NME7: variants seen among roughly 807,000 people sequenced by gnomAD.
The protein encoded by NME7 is nucleoside diphosphate kinase 7.
In NME7, 41 loss-of-function variants were observed where a neutral mutation model predicts 49.1. The observed-to-expected ratio is 0.83, with a 90% confidence interval of 0.65 to 1.08. The LOEUF is 1.08. Among genes scored for constraint, NME7 ranks in the 50% least tolerant of loss-of-function variants. The pLI is 0.00. For missense variants in NME7, 423 were observed against 463.4 expected (o/e 0.91, Z 0.80); for synonymous variants, 139 against 150.6 (o/e 0.92, Z 0.56).
intron 10 of NME7, among the ~76,000 whole-genome samples, chr1:169,205,848 T>C (rs185695659): frequency 5.9e-5 from 9 of 152,280 alleles, no homozygotes; most frequent in Non-Finnish European, 5.9e-5. Flanking sequence ...TGTGATCTTC[T>C]TTCCCATCCT....
chr1:169,201,693 C>A (rs1352186998), intron 10 of NME7, among the ~76,000 whole-genome samples: 2 of 152,030 alleles, frequency 1.3e-5, no homozygotes, highest in Non-Finnish European at 2.9e-5. Flanking sequence ...AAAAGAAGCA[C>A]AGAAGCAAGT....
chr1:169,308,129 A>T (rs1651250229), intron 4 of NME7, among the ~76,000 whole-genome samples: 1 of 152,148 alleles, frequency 6.6e-6, no homozygotes, highest in African/African-American at 2.4e-5. Context: ...TGGTCTAAAT[A>T]CTGTGCTCTG....
At chr1:169,363,385 T>C (rs1257703048) in intron 1 of NME7, among the ~76,000 whole-genome samples, 1 of 152,208 alleles carries the variant, frequency 6.6e-6, no homozygotes, top group East Asian at 1.9e-4. Flanking sequence ...ATCCAATACA[T>C]ATACAATTAA....
In NME7 at chr1:169,257,311, G is replaced by C. The variant is rs1180543195; in HGVS notation, c.755-19624C>G. On this transcript the variant is annotated intron_variant, in intron 7 of 11. Transcript: ENST00000367811. Reference sequence around the variant, plus strand: ...GTCAGAAAAGCGCAGTATTTGGTTGGGAGTGACCCGATTTTCCAGGTGCTG... The same window carrying C: ...GTCAGAAAAGCGCAGTATTTGGTTGCGAGTGACCCGATTTTCCAGGTGCTG... 6.7e-5 allele frequency among the ~76,000 whole-genome samples: 9 copies of C among 134,392 alleles called. 2 individuals carry two copies. The highest frequency in any genetic ancestry group is 1.4e-4 in the Non-Finnish European group (8 of 57,076). 88.2% of individuals were successfully genotyped at this position (134,392 alleles called of 152,430 possible). A position where few individuals can be genotyped will look rare whatever the true frequency, so the allele number is the denominator to read the frequency against.
At chr1:169,241,613 A>T (rs530691192) in intron 7 of NME7, among the ~76,000 whole-genome samples, 2 of 152,010 alleles carry the variant, frequency 1.3e-5, no homozygotes, top group South Asian at 2.1e-4. Context: ...ATATAGGAAG[A>T]TGCTCACCAT....
chr1:169,323,816 T>C (rs1236354515), intron 2 of NME7, among the ~76,000 whole-genome samples: 1 of 149,646 alleles, frequency 6.7e-6, no homozygotes, highest in African/African-American at 2.4e-5. Context: ...ATCCAAAACA[T>C]GAATAATCCC....
intron 1 of NME7, among the ~76,000 whole-genome samples, chr1:169,342,607 G>GTATA (rs778561650): frequency 1.5e-4 from 5 of 32,780 alleles, no homozygotes; most frequent in Non-Finnish European, 2.0e-4. Flanking sequence ...CATATATATA[G>GTATA]TATATATATA....
chr1:169,268,854 A>C (rs7528751), intron 7 of NME7, among the ~76,000 whole-genome samples: 11,844 of 132,780 alleles, frequency 0.089, 3,187 homozygotes, highest in East Asian at 0.75. Flanking sequence ...GTGCTTGGTA[A>C]TGGGGTGACG....
At chr1:169,238,511 A>ACC (rs1553249034) in intron 7 of NME7, among the ~76,000 whole-genome samples, 26 of 150,886 alleles carry the variant, frequency 1.7e-4, no homozygotes, top group African/African-American at 5.4e-4. Flanking sequence ...ACACACACAC[A>ACC]CACACCATAT....
At chr1:169,132,861 G>GGTCT (rs1370184816) in intron 11 of NME7, 44 bp from the exon 12 acceptor site, 4 of 1,593,892 alleles carry the variant, frequency 2.5e-6, no homozygotes, top group Non-Finnish European at 3.4e-6. Context: ...GACAAATTTT[G>GGTCT]GTCTTTTCCA....
At chr1:169,133,393 A>T (rs1658313852) in intron 11 of NME7, among the ~76,000 whole-genome samples, 1 of 152,222 alleles carries the variant, frequency 6.6e-6, no homozygotes, top group African/African-American at 2.4e-5. Flanking sequence ...AGGAGCTCAC[A>T]CACATCCTTG....
At chr1:169,291,074 A>T (rs1307082754) in intron 6 of NME7, among the ~76,000 whole-genome samples, 3 of 152,210 alleles carry the variant, frequency 2.0e-5, no homozygotes, top group African/African-American at 7.2e-5. Context: ...AGTGTAAATT[A>T]GTTCAACCTT....
At chr1:169,134,405 T>C (rs796591003) in intron 11 of NME7, among the ~76,000 whole-genome samples, 1 of 152,286 alleles carries the variant, frequency 6.6e-6, no homozygotes, top group African/African-American at 2.4e-5. Flanking sequence ...ATTCAAGAAA[T>C]GGGTTTTCAC....
Position 169,318,860 on chromosome 1 carries a change from C to A in NME7, c.278+4257G>T, listed in dbSNP as rs150987744. On this transcript the variant is annotated intron_variant, in intron 3 of 11. Transcript: ENST00000367811. ...AAGGAATGACTCTGAGAAAAAATAG[C>A]CAGAGAGATAGAGATGGAAGCAGCG... Among the ~76,000 whole-genome samples the A allele has an allele frequency of 4.5e-3, 682 of 151,840 alleles. 6 individuals are homozygous for A. The highest frequency in any genetic ancestry group is 0.016 in the African/African-American group (642 of 41,402).
chr1:169,187,936 G>T (rs1026321837), intron 10 of NME7, among the ~76,000 whole-genome samples: 1 of 152,148 alleles, frequency 6.6e-6, no homozygotes, highest in Non-Finnish European at 1.5e-5. Flanking sequence ...TTGTAAGGTA[G>T]GCCTGGTGGT....
At chr1:169,340,715 G>A (rs551944913) in intron 1 of NME7, among the ~76,000 whole-genome samples, 2 of 152,338 alleles carry the variant, frequency 1.3e-5, no homozygotes, top group East Asian at 1.9e-4. Context: ...GAGAAACTTA[G>A]TGGGAACTGG....
chr1:169,168,072 G>A (rs575290002), intron 11 of NME7, among the ~76,000 whole-genome samples: 29 of 152,264 alleles, frequency 1.9e-4, no homozygotes, highest in Non-Finnish European at 4.0e-4. Flanking sequence ...CCTAAAACTG[G>A]TGACGAGCGG....
At chr1:169,154,017 TCA>T (rs1658991619) in intron 11 of NME7, among the ~76,000 whole-genome samples, 1 of 151,568 alleles carries the variant, frequency 6.6e-6, no homozygotes, top group African/African-American at 2.4e-5. Flanking sequence ...ATAGGGATAA[TCA>T]CATTTTATTT....
chr1:169,355,914 A>C (rs1412064630), intron 1 of NME7, among the ~76,000 whole-genome samples: 1 of 152,148 alleles, frequency 6.6e-6, no homozygotes, highest in Non-Finnish European at 1.5e-5. Flanking sequence ...GAGAAACTTA[A>C]AAATAATTGT....
Sources: gnomAD v4.1 joint callset for allele counts (sites outside exome capture counted in the v4.1 genomes callset) on GRCh38, gnomAD v4.1.1 for gene constraint, MANE v1.5 for transcripts, NCBI Gene and HGNC (gene_info 2026-07-23, HGNC 2026-07-21) for gene names.